The following PCDH11Y variants were observed in gnomAD, a reference collection of about 807,000 sequenced individuals.
PCDH11Y encodes the protein protocadherin-11 Y-linked.
For synonymous variants in PCDH11Y, 9 were observed against 83.6 expected, an observed-to-expected ratio of 0.11 and a Z score of 4.87; for missense variants, 12 against 224.8, an observed-to-expected ratio of 0.05 and a Z score of 6.05.
intron 4 of PCDH11Y, among the ~76,000 whole-genome samples, chrY:5,588,284 G>C: frequency 3.1e-5 from 1 of 32,290 alleles, no homozygotes; most frequent in African/African-American, 1.2e-4. Flanking sequence ...TTGTTATACT[G>C]TCTAGGTCTT....
chrY:5,155,635 T>C, intron 2 of PCDH11Y, among the ~76,000 whole-genome samples: 1 of 32,005 alleles, frequency 3.1e-5, no homozygotes, highest in Non-Finnish European at 7.7e-5. Context: ...TCCACGTCCC[T>C]GCAAAGGACG....
exon 2 of PCDH11Y, chrY:5,101,323 C>T: frequency 6.4e-6 from 1 of 157,066 alleles, no homozygotes. Context: ...TGAAAGCCTA[C>T]TCATTCTCAT....
intron 2 of PCDH11Y, among the ~76,000 whole-genome samples, chrY:5,350,676 A>C: frequency 6.2e-5 from 2 of 32,433 alleles, no homozygotes; most frequent in Non-Finnish European, 1.5e-4. Context: ...ATTGCACTCC[A>C]GCCTGGGTGA....
chrY:5,330,120 G>T (rs2053129012), intron 2 of PCDH11Y, among the ~76,000 whole-genome samples: 1 of 32,569 alleles, frequency 3.1e-5, no homozygotes, highest in Admixed American at 2.8e-4. Context: ...ATAAGATTTG[G>T]GTAGGTAAAG....
At chrY:5,673,595 T>C in intron 4 of PCDH11Y, among the ~76,000 whole-genome samples, 2 of 28,572 alleles carry the variant, frequency 7.0e-5, no homozygotes, top group Non-Finnish European at 1.7e-4. Context: ...TTTTAAAAAT[T>C]ACTATTATTA....
intron 3 of PCDH11Y, among the ~76,000 whole-genome samples, chrY:5,551,559 A>G: frequency 2.2e-4 from 7 of 32,115 alleles, no homozygotes. Flanking sequence ...AGGATATTCT[A>G]CTCCAAAATA....
intron 2 of PCDH11Y, among the ~76,000 whole-genome samples, chrY:5,244,598 C>T: frequency 3.0e-5 from 1 of 33,808 alleles, no homozygotes; most frequent in Non-Finnish European, 7.3e-5. Flanking sequence ...GGAAACCGTG[C>T]TTTTTCACTG....
At chrY:5,255,360 A>G in intron 2 of PCDH11Y, among the ~76,000 whole-genome samples, 1 of 33,603 alleles carries the variant, frequency 3.0e-5, no homozygotes, top group Non-Finnish European at 7.4e-5. Flanking sequence ...ATTTCCATCC[A>G]TGCTGTTGCA....
At chrY:5,600,640 T>TA (rs2053471995) in intron 4 of PCDH11Y, among the ~76,000 whole-genome samples, 3 of 31,674 alleles carry the variant, frequency 9.5e-5, no homozygotes, top group Admixed American at 5.9e-4. Context: ...AAATCCTCAT[T>TA]AAAAAAAACA....
chrY:5,360,010 T>C (rs2053173049), intron 2 of PCDH11Y, among the ~76,000 whole-genome samples: 1 of 31,914 alleles, frequency 3.1e-5, no homozygotes, highest in Non-Finnish European at 7.6e-5. Context: ...CACTCTTTAT[T>C]GTATAGGCCA....
chrY:5,259,232 G>T (rs2053015053), intron 2 of PCDH11Y, among the ~76,000 whole-genome samples: 1 of 33,078 alleles, frequency 3.0e-5, no homozygotes, highest in South Asian at 6.7e-4. Flanking sequence ...ATTGGGAATT[G>T]CTTTTTTTAT....
intron 1 of PCDH11Y, 60 bp from the exon 3 acceptor site, chrY:5,098,155 A>T: frequency 3.3e-6 from 1 of 304,032 alleles, no homozygotes. Flanking sequence ...ATTCACATTA[A>T]TATTAATATA....
chrY:5,307,336 T>A, intron 2 of PCDH11Y, among the ~76,000 whole-genome samples: 1 of 33,497 alleles, frequency 3.0e-5, no homozygotes, highest in East Asian at 8.0e-4. Context: ...CATGATGGCA[T>A]GTACTATCAA....
intron 2 of PCDH11Y, among the ~76,000 whole-genome samples, chrY:5,233,113 T>C (rs2052969728): frequency 3.2e-5 from 1 of 31,662 alleles, no homozygotes; most frequent in Admixed American, 2.9e-4. Context: ...TTAGGACATA[T>C]GAAGTTAAAA....
chrY:5,532,151 G>A (rs2053393980), intron 3 of PCDH11Y, among the ~76,000 whole-genome samples: 1 of 30,035 alleles, frequency 3.3e-5, no homozygotes, highest in Non-Finnish European at 7.9e-5. Context: ...GTGTAGAAAT[G>A]TTTGTTTTCT....
chrY:5,689,310 T>C, intron 4 of PCDH11Y, among the ~76,000 whole-genome samples: 1 of 31,643 alleles, frequency 3.2e-5, no homozygotes, highest in South Asian at 7.2e-4. Context: ...GTGGTAATCA[T>C]TTAAATTTTG....
chrY:5,542,421 T>C, intron 3 of PCDH11Y, among the ~76,000 whole-genome samples: 1 of 32,031 alleles, frequency 3.1e-5, no homozygotes. Flanking sequence ...GTTGTTATGC[T>C]CTCAATTGGC....
chrY:5,524,844 T>G, intron 3 of PCDH11Y, among the ~76,000 whole-genome samples: 1 of 32,341 alleles, frequency 3.1e-5, no homozygotes, highest in Admixed American at 2.9e-4. Flanking sequence ...TCCTGTTTGC[T>G]GAGGATGATG....
At chrY:5,094,136 T>C (rs2052746317) in intron 1 of PCDH11Y, among the ~76,000 whole-genome samples, 1 of 33,320 alleles carries the variant, frequency 3.0e-5, no homozygotes, top group Non-Finnish European at 7.5e-5. Context: ...AGGGAGATGA[T>C]GAATTAAGGA....
Sources: gnomAD v4.1 joint callset for allele counts (sites outside exome capture counted in the v4.1 genomes callset) on GRCh38, gnomAD v4.1.1 for gene constraint, MANE v1.5 for transcripts, NCBI Gene and HGNC (gene_info 2026-07-23, HGNC 2026-07-21) for gene names.